Variants in RCSD1 observed in about 807,000 individuals in gnomAD.
The protein encoded by RCSD1 is capZ-interacting protein.
In RCSD1, 26 loss-of-function variants were observed where a neutral mutation model predicts 42.5. The observed-to-expected ratio is 0.61, with a 90% CI of 0.45 to 0.85. RCSD1 has a LOEUF of 0.85. Ranked by LOEUF, RCSD1 falls within the 40% of genes least tolerant of loss-of-function variation. The probability of loss-of-function intolerance (pLI) is 0.00; values close to 1 mark genes in which losing one functional copy is unlikely to be tolerated. For missense variants in RCSD1, 571 were observed against 528.3 expected (o/e 1.08, Z -0.79); for synonymous variants, 220 against 212.2 (o/e 1.04, Z -0.32).
intron 4 of RCSD1, among the ~76,000 whole-genome samples, chr1:167,693,002 C>CA (rs1659411822): frequency 6.6e-6 from 1 of 152,108 alleles, no homozygotes; most frequent in South Asian, 2.1e-4. Flanking sequence ...TTTGGACAGA[C>CA]AAAGAATCTG....
At chr1:167,651,995 C>T (rs1658321599) in intron 1 of RCSD1, among the ~76,000 whole-genome samples, 1 of 150,850 alleles carries the variant, frequency 6.6e-6, no homozygotes, top group Admixed American at 6.6e-5. Flanking sequence ...GTTCCCCCAG[C>T]CCAGGCTCCT....
intron 1 of RCSD1, among the ~76,000 whole-genome samples, chr1:167,653,514 C>A (rs1447243895): frequency 6.6e-6 from 1 of 152,208 alleles, no homozygotes; most frequent in East Asian, 1.9e-4. Context: ...GTTACTTGAT[C>A]CGGAAGACAG....
chr1:167,698,603 G>A (rs975428575), intron 6 of RCSD1, among the ~76,000 whole-genome samples: 1 of 151,876 alleles, frequency 6.6e-6, no homozygotes, highest in African/African-American at 2.4e-5. Flanking sequence ...CCCATCTTGA[G>A]CTCACCTATC....
chr1:167,649,492 C>T (rs1253988095), intron 1 of RCSD1, among the ~76,000 whole-genome samples: 1 of 152,216 alleles, frequency 6.6e-6, no homozygotes, highest in African/African-American at 2.4e-5. Flanking sequence ...CTCTCAAAAA[C>T]CACAGCTTGG....
intron 1 of RCSD1, among the ~76,000 whole-genome samples, chr1:167,676,856 G>A (rs1226821565): frequency 1.3e-5 from 2 of 152,200 alleles, no homozygotes; most frequent in Non-Finnish European, 1.5e-5. Flanking sequence ...AACCCTGTCC[G>A]TAATATTGGG....
intron 4 of RCSD1, among the ~76,000 whole-genome samples, chr1:167,692,564 G>C (rs1659400675): frequency 6.6e-6 from 1 of 151,470 alleles, no homozygotes; most frequent in Admixed American, 6.6e-5. Context: ...TGTTGCCCTG[G>C]ATGGACTCAA....
chr1:167,695,083 A>T (rs1659465305), intron 5 of RCSD1, among the ~76,000 whole-genome samples: 1 of 152,198 alleles, frequency 6.6e-6, no homozygotes, highest in African/African-American at 2.4e-5. Context: ...AGCAAAAAAA[A>T]AATCAAATGT....
chr1:167,675,876 C>T (rs1376848236), intron 1 of RCSD1, among the ~76,000 whole-genome samples: 2 of 151,928 alleles, frequency 1.3e-5, no homozygotes, highest in Admixed American at 6.6e-5. Context: ...TCTTAGCTAG[C>T]TGGGGCTCTA....
intron 1 of RCSD1, among the ~76,000 whole-genome samples, chr1:167,660,492 A>C (rs1658517760): frequency 6.6e-6 from 1 of 151,016 alleles, no homozygotes; most frequent in African/African-American, 2.4e-5. Flanking sequence ...TTTTTTTAGA[A>C]ACAGGGTCTT....
intron 5 of RCSD1, among the ~76,000 whole-genome samples, chr1:167,695,533 C>T (rs1659478093): frequency 7.6e-6 from 1 of 131,206 alleles, no homozygotes; most frequent in South Asian, 2.4e-4. Flanking sequence ...TTATTTTACA[C>T]ACTAATTTTT....
chr1:167,631,099 C>A (rs1335145904), intron 1 of RCSD1, among the ~76,000 whole-genome samples: 1 of 152,234 alleles, frequency 6.6e-6, no homozygotes, highest in Non-Finnish European at 1.5e-5. Context: ...TGGAGGTATG[C>A]TGGCCACATC....
intron 1 of RCSD1, among the ~76,000 whole-genome samples, chr1:167,661,248 A>G (rs757387752): frequency 6.6e-6 from 1 of 152,224 alleles, no homozygotes; most frequent in African/African-American, 2.4e-5. Flanking sequence ...AGTCGAGAAA[A>G]GATAGGTAGC....
intron 1 of RCSD1, among the ~76,000 whole-genome samples, chr1:167,683,493 A>G (rs1659134032): frequency 6.6e-6 from 1 of 152,186 alleles, no homozygotes; most frequent in African/African-American, 2.4e-5. Flanking sequence ...CAAAAGACAC[A>G]TATATATGTG....
At chr1:167,636,026 C>T (rs573300877) in intron 1 of RCSD1, among the ~76,000 whole-genome samples, 6 of 152,318 alleles carry the variant, frequency 3.9e-5, no homozygotes, top group African/African-American at 1.4e-4. Flanking sequence ...AAGCTCATCA[C>T]CAGAGCCAGA....
intron 1 of RCSD1, among the ~76,000 whole-genome samples, chr1:167,670,201 A>G (rs1003308925): frequency 4.0e-5 from 6 of 151,314 alleles, no homozygotes; most frequent in African/African-American, 1.4e-4. Context: ...AACCAACAGT[A>G]GAGAGTCAGA....
intron 4 of RCSD1, among the ~76,000 whole-genome samples, chr1:167,692,036 G>A (rs1293780685): frequency 2.0e-5 from 3 of 152,174 alleles, no homozygotes; most frequent in African/African-American, 7.2e-5. Context: ...GTACCCTGTA[G>A]TTTTGGACCC....
At chr1:167,657,309 A>G (rs1032904331) in intron 1 of RCSD1, among the ~76,000 whole-genome samples, 1 of 152,234 alleles carries the variant, frequency 6.6e-6, no homozygotes, top group African/African-American at 2.4e-5. Context: ...TGTGGGGCCT[A>G]AAGAAAATCA....
At chr1:167,688,226 C>T (rs569158236) in intron 3 of RCSD1, among the ~76,000 whole-genome samples, 4 of 152,276 alleles carry the variant, frequency 2.6e-5, no homozygotes, top group African/African-American at 9.6e-5. Context: ...GTTTAAGGGG[C>T]AGGGTCCACT....
At chr1:167,669,148 C>A (rs1658740007) in intron 1 of RCSD1, among the ~76,000 whole-genome samples, 1 of 152,200 alleles carries the variant, frequency 6.6e-6, no homozygotes, top group Admixed American at 6.5e-5. Flanking sequence ...ACTGTGACAT[C>A]TAAACACTGG....
Sources: gnomAD v4.1 joint callset for allele counts (sites outside exome capture counted in the v4.1 genomes callset) on GRCh38, gnomAD v4.1.1 for gene constraint, MANE v1.5 for transcripts, NCBI Gene and HGNC (gene_info 2026-07-23, HGNC 2026-07-21) for gene names.